The following ZNF429 variants were observed in gnomAD, a reference collection of about 807,000 sequenced individuals.
The protein encoded by ZNF429 is zinc finger protein 429.
In ZNF429, 53 loss-of-function variants were observed where a neutral mutation model predicts 56.8. The ratio of observed to expected loss-of-function variants is 0.93; its 90% CI spans 0.75 to 1.17. ZNF429 has a LOEUF of 1.17. Among genes scored for constraint, ZNF429 ranks in the 50% most tolerant of loss-of-function variants. The probability of loss-of-function intolerance (pLI) is 0.00; values close to 1 mark genes in which losing one functional copy is unlikely to be tolerated. For synonymous variants in ZNF429, 278 were observed against 264.7 expected, an observed-to-expected ratio of 1.05 and a Z score of -0.49; for missense variants, 849 against 788.4, an observed-to-expected ratio of 1.08 and a Z score of -0.92.
In ZNF429 at chr19:21,529,667, A is replaced by G. The variant is rs780310736; in HGVS notation, c.13A>G (p.Thr5Ala). ...TGTGTGTGTGTTTCAGGGACCATTG[A>G]CATTTACAGATGTGGCCATAGAATT... MGPL[T>A]FTDVAIEFSL... Residue 5 changes from threonine (T) to alanine (A), a missense_variant, in exon 2 of 4, where the codon ACA (threonine) becomes GCA (alanine). Thr to Ala is a moderately conservative substitution (Grantham distance 58, BLOSUM62 0). Transcript: ENST00000358491. 16 of 1,581,818 alleles carry G rather than the reference A, an allele frequency of 1.0e-5. No individual in the cohort carries two copies. The highest frequency in any genetic ancestry group is 2.3e-5 in the South Asian group (2 of 87,748).
At chr19:21,522,034 C>T (rs199837586) in intron 1 of ZNF429, 11 of 152,350 alleles carry the variant, frequency 7.2e-5, no homozygotes, top group East Asian at 3.9e-4. Flanking sequence ...AGAGGACACT[C>T]GTCATCAGGA....
chr19:21,526,193 T>C (rs888921512), intron 1 of ZNF429, among the ~76,000 whole-genome samples: 9 of 152,078 alleles, frequency 5.9e-5, no homozygotes, highest in African/African-American at 1.7e-4. Flanking sequence ...CTTTTTTTTT[T>C]CCATAAGTCA....
At chr19:21,515,097 C>T (rs1175960380) in intron 1 of ZNF429, among the ~76,000 whole-genome samples, 3 of 151,794 alleles carry the variant, frequency 2.0e-5, no homozygotes, top group African/African-American at 4.8e-5. Context: ...TGCACCACCA[C>T]GCTTGTCTAA....
intron 1 of ZNF429, among the ~76,000 whole-genome samples, chr19:21,520,230 A>T (rs892570313): frequency 1.3e-5 from 2 of 152,188 alleles, no homozygotes; most frequent in African/African-American, 4.8e-5. Flanking sequence ...TTTCAAGTGT[A>T]CACAGGGTGC....
intron 3 of ZNF429, among the ~76,000 whole-genome samples, chr19:21,532,934 A>C: frequency 6.6e-6 from 1 of 151,968 alleles, no homozygotes; most frequent in Non-Finnish European, 1.5e-5. Flanking sequence ...CTGACAGGTG[A>C]TCTGCCTGCC....
At chr19:21,520,766 A>G (rs1213040805) in intron 1 of ZNF429, among the ~76,000 whole-genome samples, 1 of 152,216 alleles carries the variant, frequency 6.6e-6, no homozygotes, top group Non-Finnish European at 1.5e-5. Flanking sequence ...AGAAAAAGCA[A>G]GAGCAGTTCA....
At chr19:21,512,562 A>C (rs2032543916) in intron 1 of ZNF429, among the ~76,000 whole-genome samples, 1 of 150,918 alleles carries the variant, frequency 6.6e-6, no homozygotes, top group Admixed American at 6.6e-5. Context: ...TACTTGGGAG[A>C]CAGAGGCAGG....
At chr19:21,528,341 T>A (rs1470948467) in intron 1 of ZNF429, among the ~76,000 whole-genome samples, 1 of 152,094 alleles carries the variant, frequency 6.6e-6, no homozygotes, top group African/African-American at 2.4e-5. Flanking sequence ...TTCTAAAAAA[T>A]AATATATATT....
At chr19:21,507,278 C>T (rs1025465298) in intron 1 of ZNF429, among the ~76,000 whole-genome samples, 2 of 152,196 alleles carry the variant, frequency 1.3e-5, no homozygotes, top group Admixed American at 6.5e-5. Context: ...TCCATTTCCT[C>T]CTGACAATCC....
chr19:21,512,287 GT>G (rs1479038493), intron 1 of ZNF429, among the ~76,000 whole-genome samples: 1 of 152,098 alleles, frequency 6.6e-6, no homozygotes, highest in Admixed American at 6.6e-5. Context: ...GTTTTGGTGG[GT>G]TTTAGCTGGC....
chr19:21,528,324 C>T (rs1015900460), intron 1 of ZNF429, among the ~76,000 whole-genome samples: 1 of 152,070 alleles, frequency 6.6e-6, no homozygotes, highest in Admixed American at 6.6e-5. Context: ...ATTTATCACC[C>T]AGAAAGTTCT....
chr19:21,523,643 C>T (rs1332630812), intron 1 of ZNF429, among the ~76,000 whole-genome samples: 1 of 152,248 alleles, frequency 6.6e-6, no homozygotes, highest in Non-Finnish European at 1.5e-5. Context: ...TCAGGCCACA[C>T]TCTGTCCCTC....
Position 21,539,507 on chromosome 19 carries a change from C to T in ZNF429, c.*1429C>T, listed in dbSNP as rs149045290. Among the ~76,000 whole-genome samples the T allele has an allele frequency of 1.9e-3, 290 of 151,938 alleles. 1 individual carries two copies. The highest frequency in any genetic ancestry group is 6.6e-3 in the African/African-American group (273 of 41,480). ...CACAATTTCAGCTTGCTGCCAACTT[C>T]GACCTTTGGGTTCAAGCAGTTCTCC... On this transcript the variant is annotated 3_prime_UTR_variant, in exon 4 of 4. Transcript: ENST00000358491.
At chr19:21,524,397 A>G (rs556955042) in intron 1 of ZNF429, among the ~76,000 whole-genome samples, 4 of 152,286 alleles carry the variant, frequency 2.6e-5, no homozygotes, top group African/African-American at 9.6e-5. Flanking sequence ...GTGTGGTGGC[A>G]CATGCCTGTA....
intron 1 of ZNF429, among the ~76,000 whole-genome samples, chr19:21,506,588 CA>C (rs1010748097): frequency 1.3e-5 from 2 of 151,808 alleles, no homozygotes; most frequent in Admixed American, 1.3e-4. Flanking sequence ...GCGCATGGTA[CA>C]AAAACGCAAA....
At chr19:21,536,198 A>T in intron 3 of ZNF429, 82 bp from the exon 4 acceptor site, 1 of 1,394,508 alleles carries the variant, frequency 7.2e-7, no homozygotes, top group African/African-American at 1.4e-5. Flanking sequence ...CGTAGTTTTT[A>T]TAACTTTAGA....
At chr19:21,507,504 C>G (rs1296939575) in intron 1 of ZNF429, 1 of 152,228 alleles carries the variant, frequency 6.6e-6, no homozygotes, top group South Asian at 2.1e-4. Context: ...GTCTCTTTTC[C>G]TTTTATCTTC....
At chr19:21,526,658 G>A (rs2033182800) in intron 1 of ZNF429, among the ~76,000 whole-genome samples, 1 of 152,182 alleles carries the variant, frequency 6.6e-6, no homozygotes, top group Non-Finnish European at 1.5e-5. Flanking sequence ...TAAATTAATA[G>A]TGCTGCACTG....
At chr19:21,520,699 G>A (rs1399522194) in intron 1 of ZNF429, among the ~76,000 whole-genome samples, 1 of 152,178 alleles carries the variant, frequency 6.6e-6, no homozygotes, top group African/African-American at 2.4e-5. Context: ...GTTCCTTTGA[G>A]AGAAAACTGA....
Sources: gnomAD v4.1 joint callset for allele counts (sites outside exome capture counted in the v4.1 genomes callset) on GRCh38, gnomAD v4.1.1 for gene constraint, MANE v1.5 for transcripts, NCBI Gene and HGNC (gene_info 2026-07-23, HGNC 2026-07-21) for gene names.